Variants in LRP1B observed in about 807,000 individuals in gnomAD.
LRP1B encodes the protein LDL receptor related protein 1B.
In LRP1B, 217 loss-of-function variants were observed where a neutral mutation model predicts 556.6. The ratio of observed to expected loss-of-function variants is 0.39; its 90% CI spans 0.35 to 0.44. LRP1B has a LOEUF of 0.44. Ranked by LOEUF, LRP1B falls within the 20% of genes least tolerant of loss-of-function variation. LRP1B has a pLI of 1.00. For synonymous variants in LRP1B, 2,047 were observed against 1,865.8 expected (o/e 1.10, Z -2.50); for missense variants, 5,053 against 5,620.8 (o/e 0.90, Z 3.23).
At chr2:141,305,116 T>G (rs1480099018) in intron 3 of LRP1B, among the ~76,000 whole-genome samples, 1 of 152,202 alleles carries the variant, frequency 6.6e-6, no homozygotes, top group Non-Finnish European at 1.5e-5. Context: ...TCTATTTTTG[T>G]GAAAAATGAC....
chr2:141,329,678 CTA>C (rs1687570881), intron 3 of LRP1B, among the ~76,000 whole-genome samples: 1 of 126,878 alleles, frequency 7.9e-6, no homozygotes, highest in African/African-American at 2.9e-5. Flanking sequence ...ATCTCTCTCT[CTA>C]TCTATCTGTT....
intron 1 of LRP1B, among the ~76,000 whole-genome samples, chr2:141,831,881 C>T (rs193010528): frequency 6.6e-6 from 1 of 151,792 alleles, no homozygotes; most frequent in Non-Finnish European, 1.5e-5. Context: ...TAGCTAAAAA[C>T]AGCACCAGTG....
intron 1 of LRP1B, among the ~76,000 whole-genome samples, chr2:142,047,119 A>C (rs1305431300): frequency 6.6e-6 from 1 of 151,944 alleles, no homozygotes; most frequent in Non-Finnish European, 1.5e-5. Context: ...TTAATCGTGG[A>C]AATTGTTGTA....
rs370088956 is a variant in LRP1B at position 141,856,686 on chromosome 2, G to A, written c.83-46285C>T. Reference sequence around the variant, plus strand: ...AACAAGGCAAAAAGAGCAAGGTGATGCACATTAGAAGAGAGAATGTATCTT... The same window carrying A: ...AACAAGGCAAAAAGAGCAAGGTGATACACATTAGAAGAGAGAATGTATCTT... On this transcript the variant is annotated intron_variant, in intron 1 of 90. Transcript: ENST00000389484. Among the ~76,000 whole-genome samples the A allele has an allele frequency of 1.7e-4, 26 of 152,250 alleles. No individual in the cohort carries two copies. In the East Asian group the frequency reaches 1.9e-3, roughly 11 times the overall value.
chr2:141,572,860 A>G (rs1049042647), intron 2 of LRP1B, among the ~76,000 whole-genome samples: 2 of 152,142 alleles, frequency 1.3e-5, no homozygotes, highest in African/African-American at 4.8e-5. Flanking sequence ...AGGGAATTAC[A>G]TAATGGTAAA....
At chr2:140,995,343 C>T (rs1312233261) in intron 15 of LRP1B, among the ~76,000 whole-genome samples, 1 of 151,480 alleles carries the variant, frequency 6.6e-6, no homozygotes, top group South Asian at 2.1e-4. Flanking sequence ...GCAATTATTA[C>T]TTCCCAAATA....
intron 29 of LRP1B, among the ~76,000 whole-genome samples, chr2:140,845,823 A>T (rs184240548): frequency 8.3e-4 from 127 of 152,336 alleles, no homozygotes; most frequent in African/African-American, 3.0e-3. Flanking sequence ...AATTGAAAGA[A>T]GTTAACAGAG....
chr2:142,008,721 G>A (rs1352099428), intron 1 of LRP1B, among the ~76,000 whole-genome samples: 1 of 151,986 alleles, frequency 6.6e-6, no homozygotes, highest in African/African-American at 2.4e-5. Flanking sequence ...TCAAAGGTGA[G>A]GAGGTGCAGG....
At position 140,769,794 on chromosome 2, in the gene LRP1B, A is replaced by G. The variant is rs138829373; in HGVS notation, c.5627-450T>C. On this transcript the variant is annotated intron_variant, in intron 34 of 90. Coordinates refer to ENST00000389484, the MANE Select transcript of LRP1B (RefSeq NM_018557.3). ...TATATGATAATAAACCTGATTTAAG[A>G]TAACTGTATCACTGATACTTTTAAT... is the stretch of plus-strand genomic sequence containing the variant. Among the ~76,000 whole-genome samples, 771 of 149,770 alleles carry G rather than the reference A, an allele frequency of 5.1e-3. 5 individuals carry two copies. The highest frequency in any genetic ancestry group is 0.017 in the African/African-American group (681 of 40,928).
At chr2:140,588,556 T>C (rs1265580584) in intron 43 of LRP1B, among the ~76,000 whole-genome samples, 1 of 152,226 alleles carries the variant, frequency 6.6e-6, no homozygotes, top group Non-Finnish European at 1.5e-5. Flanking sequence ...GGCTGTGTGT[T>C]ATTGACAGAG....
chr2:140,427,188 A>G (rs1415715848), intron 66 of LRP1B, among the ~76,000 whole-genome samples: 1 of 152,088 alleles, frequency 6.6e-6, no homozygotes, highest in Non-Finnish European at 1.5e-5. Context: ...CACCTCTCTG[A>G]TTATTCACCC....
At chr2:140,236,144 A>G (rs1680688170) in intron 89 of LRP1B, among the ~76,000 whole-genome samples, 2 of 150,978 alleles carry the variant, frequency 1.3e-5, no homozygotes, top group Admixed American at 1.3e-4. Context: ...TACACAATGT[A>G]TCCATGTGAA....
At chr2:141,684,448 C>T (rs1691220397) in intron 2 of LRP1B, among the ~76,000 whole-genome samples, 1 of 151,714 alleles carries the variant, frequency 6.6e-6, no homozygotes, top group Non-Finnish European at 1.5e-5. Flanking sequence ...AAACCAGGGC[C>T]TGCCGGGGGG....
At chr2:140,865,130 A>AT (rs926800604) in intron 27 of LRP1B, among the ~76,000 whole-genome samples, 27 of 152,050 alleles carry the variant, frequency 1.8e-4, no homozygotes, top group African/African-American at 6.5e-4. Flanking sequence ...TAACAACAAC[A>AT]TTAAAAACCA....
At chr2:141,951,358 T>C (rs935594665) in intron 1 of LRP1B, among the ~76,000 whole-genome samples, 1 of 152,006 alleles carries the variant, frequency 6.6e-6, no homozygotes, top group Non-Finnish European at 1.5e-5. Flanking sequence ...CAACTCCGAG[T>C]CCCCAAAGTC....
At chr2:140,830,346 T>A (rs1336281060) in intron 31 of LRP1B, among the ~76,000 whole-genome samples, 1 of 151,894 alleles carries the variant, frequency 6.6e-6, no homozygotes, top group East Asian at 1.9e-4. Flanking sequence ...GATGCAAAAA[T>A]CTTCAACAAA....
chr2:141,884,183 T>C lies in LRP1B; in HGVS notation c.83-73782A>G, dbSNP rs113622857. Among the ~76,000 whole-genome samples, 1,212 of 151,908 alleles carry C rather than the reference T, an allele frequency of 8.0e-3. 10 individuals are homozygous for C. The highest frequency in any genetic ancestry group is 0.027 in the African/African-American group (1,101 of 41,490). On this transcript the variant is annotated intron_variant, in intron 1 of 90. Coordinates refer to ENST00000389484, the MANE Select transcript of LRP1B (RefSeq NM_018557.3). Reference sequence around the variant, plus strand: ...TGAGGCCAGGGGTTTGAGACCAGCCTGGACAACAGAGATAGATTCTGTCTC... The same window carrying C: ...TGAGGCCAGGGGTTTGAGACCAGCCCGGACAACAGAGATAGATTCTGTCTC...
rs138381246 is a variant in LRP1B, at chr2:140,550,120, G to T, written c.7195-8149C>A. Among the ~76,000 whole-genome samples the T allele has an allele frequency of 3.5e-3, 539 of 152,098 alleles. 4 individuals are homozygous for T. Among genetic ancestry groups the T allele is most frequent in the African/African-American group, 0.013 (526 of 41,486 alleles). ...GAACGTGAGTCGTTGTGAGTTTTGA[G>T]GCCTTTGCACTGCACCTGCTCAAAT... On this transcript the variant is annotated intron_variant, in intron 43 of 90. Coordinates refer to ENST00000389484, the MANE Select transcript of LRP1B (RefSeq NM_018557.3).
intron 43 of LRP1B, among the ~76,000 whole-genome samples, chr2:140,548,927 A>T (rs1680445515): frequency 6.6e-6 from 1 of 152,118 alleles, no homozygotes. Flanking sequence ...TCTGTCTCAA[A>T]AAAACCAACA....
Sources: gnomAD v4.1 joint callset for allele counts (sites outside exome capture counted in the v4.1 genomes callset) on GRCh38, gnomAD v4.1.1 for gene constraint, MANE v1.5 for transcripts, NCBI Gene and HGNC (gene_info 2026-07-23, HGNC 2026-07-21) for gene names.